THSD7B: variants seen among roughly 807,000 people sequenced by gnomAD.
THSD7B encodes the protein thrombospondin type-1 domain-containing protein 7B.
A neutral mutation model predicts 213.6 loss-of-function variants in THSD7B; 138 were observed. The observed-to-expected ratio is 0.65, with a 90% CI of 0.56 to 0.74. The LOEUF is 0.74. Among genes scored for constraint, THSD7B ranks in the 30% least tolerant of loss-of-function variants. The probability of loss-of-function intolerance (pLI) is 0.00; values close to 1 mark genes in which losing one functional copy is unlikely to be tolerated. For synonymous variants in THSD7B, 742 were observed against 687.0 expected, an observed-to-expected ratio of 1.08 and a Z score of -1.25; for missense variants, 1,931 against 1,991.5, an observed-to-expected ratio of 0.97 and a Z score of 0.58.
At chr2:137,063,346 C>A (rs1558905047) in intron 3 of THSD7B, among the ~76,000 whole-genome samples, 1 of 151,538 alleles carries the variant, frequency 6.6e-6, no homozygotes, top group African/African-American at 2.4e-5. Flanking sequence ...TGTCCTTGTT[C>A]TTTGCTCCTT....
At chr2:137,263,745 A>AT (rs1682508287) in intron 10 of THSD7B, among the ~76,000 whole-genome samples, 1 of 152,086 alleles carries the variant, frequency 6.6e-6, no homozygotes, top group Non-Finnish European at 1.5e-5. Context: ...CTGGGAGAGA[A>AT]TTTTAGGGGA....
chr2:137,284,133 T>G (rs924566010), intron 12 of THSD7B, among the ~76,000 whole-genome samples: 1 of 152,066 alleles, frequency 6.6e-6, no homozygotes, highest in Non-Finnish European at 1.5e-5. Flanking sequence ...CTTGGGAGAG[T>G]GTATGTGTCA....
At chr2:137,139,568 A>G (rs1385972194) in intron 5 of THSD7B, among the ~76,000 whole-genome samples, 2 of 152,080 alleles carry the variant, frequency 1.3e-5, no homozygotes, top group South Asian at 2.1e-4. Context: ...TTCTATCTAT[A>G]TTTAGTCATT....
chr2:137,474,761 A>G (rs1688161232), intron 15 of THSD7B, among the ~76,000 whole-genome samples: 1 of 152,066 alleles, frequency 6.6e-6, no homozygotes, highest in South Asian at 2.1e-4. Context: ...GCAAGATTAA[A>G]CTCTCATAAT....
rs1265115833 is a variant in THSD7B at position 137,655,633 on chromosome 2, A to G, written c.4078A>G (p.Lys1360Glu). Residue 1360 changes from lysine (K) to glutamate (E), a missense_variant, in exon 22 of 28, where the codon AAG (lysine) becomes GAG (glutamate). Lys to Glu is a moderately conservative substitution (Grantham distance 56, BLOSUM62 1). Coordinates refer to ENST00000409968, the MANE Select transcript of THSD7B (RefSeq NM_001316349.2). Reference sequence around the variant, plus strand: ...AATGCCCTTTCAGGACAGCATCCTGAAGCAGCTGTGTTCTGTGCCTTGCCC... The same window carrying G: ...AATGCCCTTTCAGGACAGCATCCTGGAGCAGCTGTGTTCTGTGCCTTGCCC... The part of the protein sequence containing the change: ...GEMPFQDSIL[K>E]QLCSVPCPGD... 6.2e-7 allele frequency: 1 copy of G among 1,613,286 alleles called. No individual in the cohort carries two copies. Among genetic ancestry groups the G allele is most frequent in the Non-Finnish European group, 8.5e-7 (1 of 1,179,640 alleles).
At chr2:136,937,111 C>A (rs1684747604) in intron 2 of THSD7B, among the ~76,000 whole-genome samples, 1 of 152,024 alleles carries the variant, frequency 6.6e-6, no homozygotes, top group Non-Finnish European at 1.5e-5. Flanking sequence ...TAACAGTCTC[C>A]CCATTCTCCT....
chr2:137,020,452 G>C (rs1686422009), intron 2 of THSD7B, among the ~76,000 whole-genome samples: 1 of 152,150 alleles, frequency 6.6e-6, no homozygotes, highest in Non-Finnish European at 1.5e-5. Flanking sequence ...AGCCTGATCT[G>C]ATTGCGGTTC....
intron 14 of THSD7B, among the ~76,000 whole-genome samples, chr2:137,434,922 G>T (rs924607550): frequency 6.6e-6 from 1 of 152,000 alleles, no homozygotes; most frequent in Non-Finnish European, 1.5e-5. Context: ...GTACTTAATC[G>T]TTTGCCAAGA....
chr2:137,014,309 G>C (rs901458651), intron 2 of THSD7B, among the ~76,000 whole-genome samples: 1 of 152,150 alleles, frequency 6.6e-6, no homozygotes, highest in Non-Finnish European at 1.5e-5. Flanking sequence ...GTTTTCATCA[G>C]CCCAGTGTAA....
At chr2:137,672,361 A>G (rs185549784) in intron 27 of THSD7B, among the ~76,000 whole-genome samples, 2 of 152,256 alleles carry the variant, frequency 1.3e-5, no homozygotes, top group East Asian at 1.9e-4. Context: ...GAGTTTGCCT[A>G]TCCCTAGAGT....
intron 15 of THSD7B, among the ~76,000 whole-genome samples, chr2:137,541,972 G>T (rs972251579): frequency 1.3e-5 from 2 of 151,458 alleles, no homozygotes; most frequent in Admixed American, 6.6e-5. Context: ...ACATTATCAA[G>T]TTTGTAAACA....
At chr2:137,079,152 C>T (rs777311323) in intron 3 of THSD7B, among the ~76,000 whole-genome samples, 3 of 151,620 alleles carry the variant, frequency 2.0e-5, no homozygotes, top group Non-Finnish European at 4.4e-5. Context: ...GAATCCATCT[C>T]AAAAAAATAA....
At chr2:137,630,446 AT>A (rs1682720071) in intron 20 of THSD7B, among the ~76,000 whole-genome samples, 1 of 152,104 alleles carries the variant, frequency 6.6e-6, no homozygotes, top group Non-Finnish European at 1.5e-5. Context: ...CTTCTTCCCC[AT>A]TCTAGCCTTC....
intron 14 of THSD7B, among the ~76,000 whole-genome samples, chr2:137,441,460 T>C (rs1314275166): frequency 3.3e-5 from 5 of 152,146 alleles, no homozygotes; most frequent in Non-Finnish European, 7.4e-5. Flanking sequence ...CTGCCAAGAT[T>C]GCCTTCCACA....
chr2:137,614,648 G>T (rs1682349823), intron 17 of THSD7B, among the ~76,000 whole-genome samples: 1 of 152,106 alleles, frequency 6.6e-6, no homozygotes, highest in African/African-American at 2.4e-5. Flanking sequence ...TTCATGTGCA[G>T]ATAATTAAGA....
At chr2:137,417,536 C>T (rs553369776) in intron 14 of THSD7B, among the ~76,000 whole-genome samples, 1 of 152,240 alleles carries the variant, frequency 6.6e-6, no homozygotes, top group East Asian at 1.9e-4. Flanking sequence ...GAGTCCTGGG[C>T]TCAAGTGATC....
rs149372351 is a variant in THSD7B at position 136,839,102 on chromosome 2, A to T, written c.-35-43042A>T. ...CTTGAGACACTGTCATGTTGTTCTC[A>T]TGCCATATAGGACAAAGGAATTGAC... On this transcript the variant is annotated intron_variant, in intron 1 of 27. Transcript: ENST00000409968. Among the ~76,000 whole-genome samples, 126 of 152,336 alleles carry T rather than the reference A, an allele frequency of 8.3e-4. 1 individual carries two copies. The highest frequency in any genetic ancestry group is 1.2e-3 in the Non-Finnish European group (82 of 68,034).
At chr2:137,317,513 T>C (rs1684144928) in intron 12 of THSD7B, among the ~76,000 whole-genome samples, 1 of 152,234 alleles carries the variant, frequency 6.6e-6, no homozygotes, top group South Asian at 2.1e-4. Context: ...AATTATCTTA[T>C]AGTATATCCA....
In THSD7B at chr2:137,069,855, A is replaced by G. The variant is rs923024632; in HGVS notation, c.950+12625A>G. ...TGTAAACATATATTACATATAAAAT[A>G]TATAACTATACATATAAAACATATA... On this transcript the variant is annotated intron_variant, in intron 3 of 27. Transcript: ENST00000409968. Among the ~76,000 whole-genome samples, 6 of 150,648 alleles carry G rather than the reference A, an allele frequency of 4.0e-5. No homozygotes were observed. The East Asian group carries it at 9.7e-4, about 24-fold the overall frequency.
Sources: allele counts gnomAD v4.1 joint callset (sites outside exome capture counted in the v4.1 genomes callset), GRCh38; gene constraint gnomAD v4.1.1; transcripts MANE v1.5; gene names NCBI Gene and HGNC (gene_info 2026-07-23, HGNC 2026-07-21).